SOX6: variants seen among roughly 807,000 people sequenced by gnomAD.
The protein encoded by SOX6 is transcription factor SOX-6.
SOX6 carries 11 observed loss-of-function variants against 97.8 expected under a neutral mutation model. The observed-to-expected ratio is 0.11, with a 90% CI of 0.07 to 0.19. SOX6 has a LOEUF of 0.19. Ranked by LOEUF, SOX6 falls within the 10% of genes least tolerant of loss-of-function variation. SOX6 has a pLI of 1.00. For missense variants in SOX6, 810 were observed against 1,039.5 expected (o/e 0.78, Z 3.04); for synonymous variants, 360 against 371.4 (o/e 0.97, Z 0.35).
chr11:16,550,377 A>G lies in SOX6; in HGVS notation n.609+61704T>C, dbSNP rs565365496. On this transcript the variant is annotated intron_variant and non_coding_transcript_variant, in intron 4 of 5. Coordinates refer to the SOX6 transcript ENST00000524520. The stretch of plus-strand genomic sequence containing the variant: ...TATACCTAATGTAAATGACGAGTTA[A>G]TGGGTGCAGCACACCAACATGGCAT... Among the ~76,000 whole-genome samples the G allele has an allele frequency of 2.0e-5, 3 of 152,256 alleles. No individual in the cohort carries two copies. In the South Asian group the frequency reaches 6.2e-4, roughly 32 times the overall value.
upstream of SOX6, among the ~76,000 whole-genome samples, chr11:16,478,211 C>T (rs1860288371): frequency 6.6e-6 from 1 of 152,168 alleles, no homozygotes; most frequent in African/African-American, 2.4e-5. Flanking sequence ...AGTACTTATA[C>T]ATTTTAAAAT....
chr11:16,715,962 G>A (rs1442382214), intron 2 of SOX6, among the ~76,000 whole-genome samples: 4 of 152,068 alleles, frequency 2.6e-5, no homozygotes, highest in South Asian at 2.1e-4. Flanking sequence ...GGCCAGACAC[G>A]GTGATTCATG....
chr11:16,103,107 G>A (rs982788346), intron 7 of SOX6, among the ~76,000 whole-genome samples: 1 of 151,738 alleles, frequency 6.6e-6, no homozygotes, highest in African/African-American at 2.4e-5. Context: ...GAGTGGGAGA[G>A]AATCTTCGCA....
intron 7 of SOX6, among the ~76,000 whole-genome samples, chr11:16,102,280 A>G (rs996303384): frequency 5.9e-5 from 9 of 151,912 alleles, no homozygotes; most frequent in African/African-American, 2.2e-4. Flanking sequence ...CCCTTTCACA[A>G]TAGCTGCAAT....
intron 12 of SOX6, among the ~76,000 whole-genome samples, chr11:16,023,883 C>G (rs776751815): frequency 3.3e-5 from 5 of 152,148 alleles, no homozygotes; most frequent in Non-Finnish European, 5.9e-5. Flanking sequence ...TCCTTAGGCA[C>G]TGTAATCCCA....
At chr11:15,977,901 A>G (rs1351662208) in intron 15 of SOX6, among the ~76,000 whole-genome samples, 1 of 152,088 alleles carries the variant, frequency 6.6e-6, no homozygotes, top group East Asian at 1.9e-4. Context: ...TGGAGAAATT[A>G]GAAGCAATCA....
intron 12 of SOX6, among the ~76,000 whole-genome samples, chr11:16,041,982 T>C (rs2133900732): frequency 6.6e-6 from 1 of 152,298 alleles, no homozygotes; most frequent in Middle Eastern, 3.4e-3. Context: ...TTTGACAAGC[T>C]GCCTGCCATC....
intron 4 of SOX6, among the ~76,000 whole-genome samples, chr11:16,531,167 T>G (rs1026106985): frequency 2.5e-4 from 37 of 150,664 alleles, no homozygotes; most frequent in African/African-American, 4.4e-4. Context: ...TAGATATATA[T>G]AGAGAGAAAG....
Position 16,097,685 on chromosome 11 carries a change from T to A in SOX6, c.902A>T (p.Asp301Val). ...FPPGITYKPGDNYPVQFIPST... is the reference protein window; with the variant it reads ...FPPGITYKPGVNYPVQFIPST... ...TGGAATGAACTGTACGGGGTAGTTA[T>A]CACCTGTCGGAAAGAACAATGCATA... The change falls in exon 8 of 16, where the codon GAT becomes GTT. Residue 301 changes from aspartate to valine, a missense_variant. Coordinates refer to ENST00000683767, the MANE Select transcript of SOX6 (RefSeq NM_001367873.1). 6.2e-7 allele frequency: 1 copy of A among 1,610,718 alleles called. No homozygotes were observed. The highest frequency in any genetic ancestry group is 8.5e-7 in the Non-Finnish European group (1 of 1,177,640).
chr11:16,554,300 G>C lies in SOX6; in HGVS notation n.609+57781C>G, dbSNP rs542846346. ...TCATATTTCTGTTCGTTATTAGTCT[G>C]GGAGGGCAATGCATCAGCCAAAACA... On this transcript the variant is annotated intron_variant and non_coding_transcript_variant, in intron 4 of 5. Coordinates refer to the SOX6 transcript ENST00000524520. 1.4e-3 allele frequency among the ~76,000 whole-genome samples: 213 copies of C among 152,210 alleles called. 3 individuals carry two copies. The highest frequency in any genetic ancestry group is 4.5e-3 in the African/African-American group (187 of 41,534).
chr11:16,092,571 A>G (rs1848715397), intron 9 of SOX6, among the ~76,000 whole-genome samples: 1 of 152,020 alleles, frequency 6.6e-6, no homozygotes, highest in Non-Finnish European at 1.5e-5. Context: ...ATAATACATT[A>G]CCAATATGCT....
At chr11:16,428,200 G>T (rs1392288856) in intron 1 of SOX6, among the ~76,000 whole-genome samples, 1 of 151,750 alleles carries the variant, frequency 6.6e-6, no homozygotes, top group East Asian at 1.9e-4. Flanking sequence ...AAATTTGTTT[G>T]AGTTCATTGT....
intron 3 of SOX6, among the ~76,000 whole-genome samples, chr11:16,290,923 A>C (rs1489120157): frequency 6.6e-6 from 1 of 152,020 alleles, no homozygotes; most frequent in Admixed American, 6.6e-5. Flanking sequence ...GTGAAGTGGC[A>C]CTGCTACTTG....
intron 6 of SOX6, among the ~76,000 whole-genome samples, chr11:16,177,334 T>C (rs1163400911): frequency 6.6e-6 from 1 of 151,916 alleles, no homozygotes; most frequent in Admixed American, 6.6e-5. Flanking sequence ...ATACAACTCT[T>C]ACTGTAGTAC....
chr11:16,378,710 T>G (rs1857715109), intron 1 of SOX6, among the ~76,000 whole-genome samples: 1 of 151,974 alleles, frequency 6.6e-6, no homozygotes, highest in Non-Finnish European at 1.5e-5. Context: ...GGAAAGACAT[T>G]TCTAAAAATG....
chr11:16,315,659 TATC>T (rs1270599698), intron 3 of SOX6: 1 of 152,210 alleles, frequency 6.6e-6, no homozygotes, highest in Non-Finnish European at 1.5e-5. Flanking sequence ...TAGTTGGTCT[TATC>T]AGCCATAATC....
intron 3 of SOX6, among the ~76,000 whole-genome samples, chr11:16,281,788 T>C (rs1854571950): frequency 1.3e-5 from 2 of 151,802 alleles, no homozygotes. Context: ...AAAGGTTAAG[T>C]GATTTTCCCA....
At chr11:16,017,112 G>A (rs1458137335) in intron 12 of SOX6, among the ~76,000 whole-genome samples, 1 of 151,932 alleles carries the variant, frequency 6.6e-6, no homozygotes, top group Non-Finnish European at 1.5e-5. Flanking sequence ...AGACAACAAA[G>A]CTTACATGAT....
intron 2 of SOX6, among the ~76,000 whole-genome samples, chr11:16,337,489 T>G (rs1279968033): frequency 6.6e-6 from 1 of 152,068 alleles, no homozygotes; most frequent in Non-Finnish European, 1.5e-5. Flanking sequence ...ATGAAAAAAA[T>G]TATGTGAATG....
Sources: gnomAD v4.1 joint callset for allele counts (sites outside exome capture counted in the v4.1 genomes callset) on GRCh38, gnomAD v4.1.1 for gene constraint, MANE v1.5 for transcripts, NCBI Gene and HGNC (gene_info 2026-07-23, HGNC 2026-07-21) for gene names.